Variants in ELOVL6 observed in about 807,000 individuals in gnomAD.
The protein encoded by ELOVL6 is ELOVL fatty acid elongase 6, also known as very long chain fatty acid elongase 6.
In ELOVL6, 8 loss-of-function variants were observed where a neutral mutation model predicts 31.7. That is an observed-to-expected ratio of 0.25 (90% confidence interval 0.15 to 0.45). The LOEUF (loss-of-function observed/expected upper bound fraction) is 0.45. Among genes scored for constraint, ELOVL6 ranks in the 20% least tolerant of loss-of-function variants. The pLI, the probability that ELOVL6 is intolerant of heterozygous loss-of-function variation, is 1.00. For synonymous variants in ELOVL6, 101 were observed against 117.7 expected, an observed-to-expected ratio of 0.86 and a Z score of 0.92; for missense variants, 126 against 326.4, an observed-to-expected ratio of 0.39 and a Z score of 4.73.
intron 1 of ELOVL6, among the ~76,000 whole-genome samples, chr4:110,190,321 A>G (rs1759577999): frequency 1.3e-5 from 2 of 152,192 alleles, no homozygotes; most frequent in Admixed American, 1.3e-4. Context: ...CTAACTCAGC[A>G]AAGGGTTTCC....
chr4:110,171,213 CA>C (rs532904817), intron 1 of ELOVL6, among the ~76,000 whole-genome samples: 33 of 152,198 alleles, frequency 2.2e-4, no homozygotes, highest in Non-Finnish European at 3.5e-4. Context: ...AAACTGAGAC[CA>C]GCCTGACCAA....
intron 1 of ELOVL6, among the ~76,000 whole-genome samples, chr4:110,139,793 C>A (rs1421093438): frequency 6.6e-6 from 1 of 152,178 alleles, no homozygotes; most frequent in Non-Finnish European, 1.5e-5. Context: ...ATAATGTCTA[C>A]CATTACTGGA....
At chr4:110,197,839 T>TTTCAC (rs1318254815) in intron 1 of ELOVL6, 1 of 235,912 alleles carries the variant, frequency 4.2e-6, no homozygotes, top group Non-Finnish European at 8.4e-6. Flanking sequence ...CTCCACTGCC[T>TTTCAC]TTCACACTCC....
intron 1 of ELOVL6, among the ~76,000 whole-genome samples, chr4:110,119,604 C>T (rs1482768891): frequency 6.6e-6 from 1 of 152,176 alleles, no homozygotes; most frequent in African/African-American, 2.4e-5. Flanking sequence ...AGTCCTTTAT[C>T]TCTATATAGC....
At chr4:110,058,288 G>A (rs1427364456) in intron 3 of ELOVL6, among the ~76,000 whole-genome samples, 3 of 152,156 alleles carry the variant, frequency 2.0e-5, no homozygotes, top group Non-Finnish European at 4.4e-5. Context: ...GTGTCTGTTG[G>A]AGGGGGGGAG....
intron 1 of ELOVL6, among the ~76,000 whole-genome samples, chr4:110,165,995 A>T (rs777299811): frequency 1.3e-5 from 2 of 152,118 alleles, no homozygotes; most frequent in Non-Finnish European, 2.9e-5. Flanking sequence ...CTTTCAATAC[A>T]TCTGCCTCCT....
chr4:110,135,530 CAGGG>C (rs751878303), intron 1 of ELOVL6, among the ~76,000 whole-genome samples: 6 of 152,140 alleles, frequency 3.9e-5, no homozygotes, highest in Non-Finnish European at 7.3e-5. Flanking sequence ...GGAACACTTA[CAGGG>C]TAGCAGGGTA....
chr4:110,117,723 A>T (rs1164790376), intron 1 of ELOVL6: 1 of 148,130 alleles, frequency 6.8e-6, no homozygotes, highest in Admixed American at 6.8e-5. Flanking sequence ...CTCTACTAAA[A>T]ATAAAAAAAT....
In ELOVL6 at chr4:110,051,004, T is replaced by C. The variant is rs866039859; in HGVS notation, c.*334A>G. On this transcript the variant is annotated 3_prime_UTR_variant, in exon 4 of 4. Transcript: ENST00000302274. This position sits in a 1 kb window ranked among gnomAD's most constrained non-coding sequence, Gnocchi z 4.8. ...CACTTAGTAAATACATTTTTTCCTA[T>C]GTGTTAATAGCCTTTGTTTGCCTTT... 2 of 236,142 alleles carry C rather than the reference T, an allele frequency of 8.5e-6. No homozygotes were observed. The highest frequency in any genetic ancestry group is 1.5e-3 in the Middle Eastern group (1 of 668). The allele number at this position is 236,142 out of a possible 1,614,324, so 14.6% of individuals were successfully genotyped here. A position where few individuals can be genotyped will look rare whatever the true frequency, so the allele number is the denominator to read the frequency against.
At chr4:110,153,137 C>T (rs1758326473) in intron 1 of ELOVL6, among the ~76,000 whole-genome samples, 1 of 152,104 alleles carries the variant, frequency 6.6e-6, no homozygotes. Context: ...AACCAGAACC[C>T]TGACAGAGAT....
At chr4:110,084,465 T>TATATCGCATATATCATATATGAC (rs1242337828) in intron 2 of ELOVL6, among the ~76,000 whole-genome samples, 1 of 119,430 alleles carries the variant, frequency 8.4e-6, no homozygotes, top group South Asian at 2.5e-4. Context: ...TCATATATGA[T>TATATCGCATATATCATATATGAC]ATATAACAAT....
At chr4:110,165,016 C>T (rs1758735375) in intron 1 of ELOVL6, among the ~76,000 whole-genome samples, 2 of 151,996 alleles carry the variant, frequency 1.3e-5, no homozygotes, top group African/African-American at 2.4e-5. Flanking sequence ...GAAAGGATTT[C>T]CTGAATGTAA....
intron 1 of ELOVL6, among the ~76,000 whole-genome samples, chr4:110,151,012 C>CA (rs1398266290): frequency 6.7e-6 from 1 of 150,026 alleles, no homozygotes; most frequent in African/African-American, 2.5e-5. Context: ...CACTGCACTC[C>CA]AGCCTGAGAG....
rs543238155 is a variant in ELOVL6 at position 110,148,493 on chromosome 4, G to A, written c.90-42865C>T. 1.6e-3 allele frequency among the ~76,000 whole-genome samples: 235 copies of A among 151,040 alleles called. 2 individuals carry two copies. The highest frequency in any genetic ancestry group is 5.3e-3 in the African/African-American group (219 of 41,090). On this transcript the variant is annotated intron_variant, in intron 1 of 3. Transcript: ENST00000302274. ...CCAGAGGCCCAGAAGGGGGTTGTGCGGGGGAGGGGGGGAGGTAGGAATGGT... is the reference window on the plus strand; with the variant it reads ...CCAGAGGCCCAGAAGGGGGTTGTGCAGGGGAGGGGGGGAGGTAGGAATGGT...
In ELOVL6 at chr4:110,151,217, AT is replaced by A. The variant is rs1318357162; in HGVS notation, c.90-45590del. Among the ~76,000 whole-genome samples the A allele has an allele frequency of 2.5e-3, 360 of 144,678 alleles. 1 individual carries two copies. The highest frequency in any genetic ancestry group is 0.012 in the East Asian group (60 of 5,008). The allele number at this position is 144,678 out of a possible 152,430, so 94.9% of individuals were successfully genotyped here. A position where few individuals can be genotyped will look rare whatever the true frequency, so the allele number is the denominator to read the frequency against. On this transcript the variant is annotated intron_variant, in intron 1 of 3. Transcript: ENST00000302274. The stretch of plus-strand genomic sequence containing the variant: ...CAACCAGAAGTGTTTCAGATTTCAG[AT>A]TTTTTTTTTTTTGGATTTTGGAATA...
At chr4:110,132,954 G>C (rs957015174) in intron 1 of ELOVL6, among the ~76,000 whole-genome samples, 5 of 152,084 alleles carry the variant, frequency 3.3e-5, no homozygotes, top group East Asian at 1.9e-4. Context: ...AGAAATATCA[G>C]GGCTAAAGAT....
chr4:110,143,551 G>A (rs531488093), intron 1 of ELOVL6, among the ~76,000 whole-genome samples: 1 of 152,196 alleles, frequency 6.6e-6, no homozygotes, highest in Non-Finnish European at 1.5e-5. Flanking sequence ...TTCAAAGGGT[G>A]ATGATAACCA....
intron 1 of ELOVL6, among the ~76,000 whole-genome samples, chr4:110,147,798 C>G (rs1194581307): frequency 6.6e-6 from 1 of 151,544 alleles, no homozygotes; most frequent in Non-Finnish European, 1.5e-5. Flanking sequence ...CACACACACA[C>G]ACACACACAC....
intron 2 of ELOVL6, among the ~76,000 whole-genome samples, chr4:110,103,803 G>C (rs549050417): frequency 6.6e-6 from 1 of 152,236 alleles, no homozygotes; most frequent in African/African-American, 2.4e-5. Context: ...ATCTCATTTT[G>C]ATCTAGGTTC....
Sources: gnomAD v4.1 joint callset for allele counts (sites outside exome capture counted in the v4.1 genomes callset) on GRCh38, gnomAD v4.1.1 for gene constraint, Gnocchi (gnomAD v3.1) non-coding constraint, MANE v1.5 for transcripts, NCBI Gene and HGNC (gene_info 2026-07-23, HGNC 2026-07-21) for gene names.